The following PRKN variants were observed in gnomAD, a reference collection of about 807,000 sequenced individuals.
PRKN encodes parkin RBR E3 ubiquitin protein ligase, also known as E3 ubiquitin-protein ligase parkin.
Under a neutral mutation model 59.5 loss-of-function variants are expected in PRKN, and 56 were observed. The ratio of observed to expected loss-of-function variants is 0.94; its 90% CI spans 0.76 to 1.18. The LOEUF is 1.18. Ranked by LOEUF, PRKN falls within the 50% of genes most tolerant of loss-of-function variation. The pLI is 0.00. For synonymous variants in PRKN, 250 were observed against 222.1 expected (o/e 1.13, Z -1.12); for missense variants, 657 against 596.4 (o/e 1.10, Z -1.06).
At chr6:161,905,885 G>A (rs1390104713) in intron 6 of PRKN, among the ~76,000 whole-genome samples, 2 of 145,478 alleles carry the variant, frequency 1.4e-5, no homozygotes, top group Admixed American at 7.0e-5. Context: ...ACTTGAACCC[G>A]AGAGGTGGAG....
chr6:161,532,276 T>A (rs749105104), intron 9 of PRKN, among the ~76,000 whole-genome samples: 2 of 151,966 alleles, frequency 1.3e-5, no homozygotes, highest in Non-Finnish European at 2.9e-5. Context: ...ACTAACTGGA[T>A]TAAAATTAAA....
At chr6:161,951,004 AATAAATT>A (rs1187319139) in intron 6 of PRKN, among the ~76,000 whole-genome samples, 1 of 150,120 alleles carries the variant, frequency 6.7e-6, no homozygotes, top group East Asian at 1.9e-4. Flanking sequence ...GAAAATCATC[AATAAATT>A]ATAATTTTTT....
At chr6:162,217,454 C>T (rs1169090015) in intron 3 of PRKN, among the ~76,000 whole-genome samples, 2 of 152,194 alleles carry the variant, frequency 1.3e-5, no homozygotes, top group Non-Finnish European at 2.9e-5. Flanking sequence ...TACCTCAGCT[C>T]ACTGCAACCC....
chr6:161,658,796 T>C (rs1211842545), intron 7 of PRKN, among the ~76,000 whole-genome samples: 1 of 152,218 alleles, frequency 6.6e-6, no homozygotes, highest in Non-Finnish European at 1.5e-5. Context: ...GAAGTAAATA[T>C]TCAACAGCAA....
At chr6:161,443,229 G>A (rs1033097900) in intron 9 of PRKN, among the ~76,000 whole-genome samples, 12 of 151,200 alleles carry the variant, frequency 7.9e-5, no homozygotes, top group Admixed American at 7.9e-4. Context: ...AGAATTGCTT[G>A]AACCTGGGAG....
intron 5 of PRKN, among the ~76,000 whole-genome samples, chr6:162,002,340 T>A (rs965223583): frequency 1.1e-4 from 16 of 152,212 alleles, no homozygotes; most frequent in East Asian, 1.9e-4. Flanking sequence ...TTAAGATAGG[T>A]ACCATTCTTT....
At chr6:162,348,831 A>G (rs1233993854) in intron 2 of PRKN, among the ~76,000 whole-genome samples, 3 of 152,190 alleles carry the variant, frequency 2.0e-5, no homozygotes, top group Non-Finnish European at 4.4e-5. Flanking sequence ...AGAAATTCTA[A>G]AAATCAACAG....
intron 9 of PRKN, among the ~76,000 whole-genome samples, chr6:161,474,654 G>T (rs899064164): frequency 5.9e-5 from 9 of 151,988 alleles, no homozygotes; most frequent in African/African-American, 2.2e-4. Context: ...GAGTGCAGTG[G>T]TGTGATCTCG....
At chr6:162,584,787 TCTCCCCTCCCCTCCCCTCCCCTCCC>T (rs1296409452) in intron 1 of PRKN, among the ~76,000 whole-genome samples, 1 of 34,368 alleles carries the variant, frequency 2.9e-5, no homozygotes, top group Non-Finnish European at 4.9e-5. Flanking sequence ...TCTCCTCTCC[TCTCCCCTCCCCTCCCCTCCCCTCCC>T]CTCCCCTCCC....
chr6:162,085,024 T>C (rs1779197291), intron 4 of PRKN, among the ~76,000 whole-genome samples: 2 of 148,522 alleles, frequency 1.3e-5, no homozygotes. Context: ...GCTATATTGA[T>C]ACAGACTAGT....
intron 5 of PRKN, among the ~76,000 whole-genome samples, chr6:162,001,307 T>C (rs1348015292): frequency 6.6e-6 from 1 of 152,056 alleles, no homozygotes; most frequent in Non-Finnish European, 1.5e-5. Flanking sequence ...TTTAGTTAAT[T>C]TCTTTCATCA....
intron 6 of PRKN, among the ~76,000 whole-genome samples, chr6:161,855,339 A>G (rs1206428287): frequency 6.6e-6 from 1 of 152,182 alleles, no homozygotes; most frequent in Non-Finnish European, 1.5e-5. Context: ...TATATCAGAC[A>G]TCTAACCTAC....
intron 9 of PRKN, among the ~76,000 whole-genome samples, chr6:161,516,750 C>G (rs1179329623): frequency 7.2e-6 from 1 of 139,702 alleles, no homozygotes; most frequent in Non-Finnish European, 1.5e-5. Flanking sequence ...TTGCTGAAAC[C>G]TGGGCAGTGC....
At chr6:161,504,527 C>CTCTT (rs1778079600) in intron 9 of PRKN, among the ~76,000 whole-genome samples, 3 of 149,232 alleles carry the variant, frequency 2.0e-5, no homozygotes, top group African/African-American at 7.5e-5. Flanking sequence ...GTGAAACTTT[C>CTCTT]TTTTTTATTA....
At chr6:161,950,647 T>C (rs1449049627) in intron 6 of PRKN, among the ~76,000 whole-genome samples, 1 of 152,146 alleles carries the variant, frequency 6.6e-6, no homozygotes, top group African/African-American at 2.4e-5. Context: ...TTTAGCAAAT[T>C]CTTCCTGGCC....
intron 3 of PRKN, among the ~76,000 whole-genome samples, chr6:162,208,566 T>C (rs928966714): frequency 3.3e-5 from 5 of 152,132 alleles, no homozygotes; most frequent in African/African-American, 1.2e-4. Context: ...AATAATGAAA[T>C]TTCCCATACC....
intron 6 of PRKN, among the ~76,000 whole-genome samples, chr6:161,859,949 T>G (rs1233700714): frequency 6.6e-6 from 1 of 152,212 alleles, no homozygotes. Flanking sequence ...TATTCTACAG[T>G]AGAGCTCAGG....
chr6:162,236,021 G>GAAAGAAAGAAAC (rs1287554689), intron 3 of PRKN, among the ~76,000 whole-genome samples: 9 of 148,718 alleles, frequency 6.1e-5, no homozygotes, highest in Middle Eastern at 3.4e-3. Context: ...AAGAAAGAAA[G>GAAAGAAAGAAAC]AAACTCCTCA....
At chr6:161,815,629 C>T (rs559484934) in intron 6 of PRKN, among the ~76,000 whole-genome samples, 7 of 152,250 alleles carry the variant, frequency 4.6e-5, no homozygotes, top group Non-Finnish European at 7.3e-5. Flanking sequence ...GACAAAGGTC[C>T]GTGAGAGACA....
Sources: gnomAD v4.1 joint callset for allele counts (sites outside exome capture counted in the v4.1 genomes callset) on GRCh38, gnomAD v4.1.1 for gene constraint, MANE v1.5 for transcripts, NCBI Gene and HGNC (gene_info 2026-07-23, HGNC 2026-07-21) for gene names.